UBE2D2: variants seen among roughly 807,000 people sequenced by gnomAD.
UBE2D2 encodes the protein ubiquitin-conjugating enzyme E2 D2.
A neutral mutation model predicts 24.2 loss-of-function variants in UBE2D2; 2 were observed. The ratio of observed to expected loss-of-function variants is 0.08; its 90% CI spans 0.03 to 0.26. The LOEUF is 0.26. Ranked by LOEUF, UBE2D2 falls within the 10% of genes least tolerant of loss-of-function variation. The pLI is 1.00. For missense variants in UBE2D2, 44 were observed against 177.6 expected, an observed-to-expected ratio of 0.25 and a Z score of 4.28; for synonymous variants, 58 against 56.5, an observed-to-expected ratio of 1.03 and a Z score of -0.12.
At chr5:139,537,521 G>T (rs367710567) in intron 1 of UBE2D2, among the ~76,000 whole-genome samples, 1 of 151,902 alleles carries the variant, frequency 6.6e-6, no homozygotes, top group East Asian at 2.0e-4. Context: ...TGTCACCCCG[G>T]CTGGAGTGCA....
intron 6 of UBE2D2, 103 bp from the exon 7 acceptor site, chr5:139,626,653 C>CTATA (rs1754634999): frequency 1.1e-6 from 1 of 932,196 alleles, no homozygotes; most frequent in East Asian, 2.4e-5. Flanking sequence ...CTTGAATGTC[C>CTATA]TATAAGCTAC....
At chr5:139,551,912 A>G (rs1230727711) in intron 1 of UBE2D2, among the ~76,000 whole-genome samples, 1 of 152,220 alleles carries the variant, frequency 6.6e-6, no homozygotes, top group Non-Finnish European at 1.5e-5. Context: ...AGCAATTTCA[A>G]TGAAGTGGGG....
intron 1 of UBE2D2, among the ~76,000 whole-genome samples, chr5:139,538,884 G>A (rs1445079119): frequency 5.4e-5 from 8 of 148,784 alleles, no homozygotes; most frequent in African/African-American, 1.5e-4. Flanking sequence ...AAAAAAAAAA[G>A]CATTTTCATT....
At chr5:139,607,077 T>G (rs962905529) in intron 2 of UBE2D2, among the ~76,000 whole-genome samples, 3 of 152,232 alleles carry the variant, frequency 2.0e-5, no homozygotes, top group African/African-American at 7.2e-5. Context: ...GTGCTGGGAT[T>G]ACAGGCGTGA....
intron 1 of UBE2D2, among the ~76,000 whole-genome samples, chr5:139,572,732 G>T (rs922411494): frequency 6.7e-6 from 1 of 148,372 alleles, no homozygotes; most frequent in Non-Finnish European, 1.5e-5. Flanking sequence ...TGCAACCTCC[G>T]CCTCTCAGGC....
At chr5:139,569,001 G>C (rs891493420) in intron 1 of UBE2D2, among the ~76,000 whole-genome samples, 5 of 152,060 alleles carry the variant, frequency 3.3e-5, no homozygotes, top group Non-Finnish European at 5.9e-5. Context: ...TACTAGAGGT[G>C]TGGTACCATA....
chr5:139,590,649 A>ATAAACAC (rs1275902439), intron 1 of UBE2D2, among the ~76,000 whole-genome samples: 1 of 151,934 alleles, frequency 6.6e-6, no homozygotes, highest in Non-Finnish European at 1.5e-5. Flanking sequence ...CATGGGAATG[A>ATAAACAC]TAAACACTGT....
Position 139,561,507 on chromosome 5 carries a change from C to T in UBE2D2, c.-285C>T, listed in dbSNP as rs1350868236. On this transcript the variant is annotated 5_prime_UTR_variant, in exon 1 of 7. Coordinates refer to ENST00000398733, the MANE Select transcript of UBE2D2 (RefSeq NM_003339.3). The stretch of plus-strand genomic sequence containing the variant: ...GGATCTGCGGCGGTTTAGGAGGCGG[C>T]GCTGATCCTGGGAGGAAGAGGCAGC... 2.0e-5 allele frequency: 8 copies of T among 396,806 alleles called. No homozygotes were observed. Among genetic ancestry groups the T allele is most frequent in the Non-Finnish European group, 2.7e-5 (6 of 223,416 alleles). 24.6% of individuals were successfully genotyped at this position (396,806 alleles called of 1,614,324 possible). A position where few individuals can be genotyped will look rare whatever the true frequency, so the allele number is the denominator to read the frequency against.
intron 1 of UBE2D2, among the ~76,000 whole-genome samples, chr5:139,566,814 C>T (rs1753230577): frequency 1.3e-5 from 2 of 151,162 alleles, no homozygotes. Context: ...CAGCTCCCTG[C>T]AAATGTTGCT....
At chr5:139,583,301 TGA>T in intron 1 of UBE2D2, among the ~76,000 whole-genome samples, 1 of 152,282 alleles carries the variant, frequency 6.6e-6, no homozygotes, top group African/African-American at 2.4e-5. Flanking sequence ...TAAAAATTGC[TGA>T]GAGTAGATTT....
intron 1 of UBE2D2, among the ~76,000 whole-genome samples, chr5:139,588,305 G>A (rs766915741): frequency 2.7e-5 from 4 of 150,930 alleles, no homozygotes; most frequent in African/African-American, 9.8e-5. Context: ...TTGCTGTGTC[G>A]CCCAGGCTGG....
intron 5 of UBE2D2, among the ~76,000 whole-genome samples, chr5:139,621,031 G>C (rs1235674175): frequency 6.6e-6 from 1 of 152,174 alleles, no homozygotes; most frequent in Non-Finnish European, 1.5e-5. Flanking sequence ...GATCACTTGA[G>C]CCTAGGAGAT....
intron 5 of UBE2D2, among the ~76,000 whole-genome samples, chr5:139,619,997 G>A (rs991432431): frequency 1.1e-4 from 16 of 152,318 alleles, no homozygotes; most frequent in Non-Finnish European, 1.9e-4. Flanking sequence ...GTCTCACATG[G>A]CAGTAGCAGG....
intron 5 of UBE2D2, among the ~76,000 whole-genome samples, chr5:139,621,639 T>C (rs1754515834): frequency 6.6e-6 from 1 of 152,200 alleles, no homozygotes; most frequent in Admixed American, 6.5e-5. Flanking sequence ...TTTTTTCTTT[T>C]TGAGGCAGGG....
rs191948996 is a variant in UBE2D2, at chr5:139,563,733, C to G, written c.24+1918C>G. On this transcript the variant is annotated intron_variant, in intron 1 of 6. Coordinates refer to ENST00000398733, the MANE Select transcript of UBE2D2 (RefSeq NM_003339.3). ...GGATCACGAGATCAGGAGATCGAGG[C>G]CATCCTGGCTAACACGGTGAAACCC... 6.3e-4 allele frequency among the ~76,000 whole-genome samples: 96 copies of G among 152,180 alleles called. 1 individual carries two copies. The highest frequency in any genetic ancestry group is 2.3e-3 in the African/African-American group (94 of 41,518).
At chr5:139,621,619 T>G (rs1754515061) in intron 5 of UBE2D2, among the ~76,000 whole-genome samples, 1 of 152,110 alleles carries the variant, frequency 6.6e-6, no homozygotes, top group Non-Finnish European at 1.5e-5. Context: ...GTAGTGTGGC[T>G]GTCTTTTTTT....
At chr5:139,554,685 C>A (rs1369965742) in intron 1 of UBE2D2, among the ~76,000 whole-genome samples, 6 of 152,110 alleles carry the variant, frequency 3.9e-5, no homozygotes, top group African/African-American at 1.2e-4. Context: ...TTCTTGCATA[C>A]CAAAGAGTAG....
chr5:139,594,173 T>C (rs1182316887), intron 1 of UBE2D2, among the ~76,000 whole-genome samples: 1 of 152,166 alleles, frequency 6.6e-6, no homozygotes, highest in Non-Finnish European at 1.5e-5. Context: ...ATTGTTATGA[T>C]TGGGGAAGGA....
At chr5:139,587,656 G>C (rs767691034) in intron 1 of UBE2D2, among the ~76,000 whole-genome samples, 21 of 127,276 alleles carry the variant, frequency 1.6e-4, no homozygotes, top group Non-Finnish European at 3.3e-4. Flanking sequence ...CTGGCCGACA[G>C]AGCAAGACCC....
Sources: gnomAD v4.1 joint callset for allele counts (sites outside exome capture counted in the v4.1 genomes callset) on GRCh38, gnomAD v4.1.1 for gene constraint, MANE v1.5 for transcripts, NCBI Gene and HGNC (gene_info 2026-07-23, HGNC 2026-07-21) for gene names.